Variants in GRIK2 observed in about 807,000 individuals in gnomAD.
GRIK2 encodes glutamate receptor ionotropic, kainate 2.
GRIK2 carries 32 observed loss-of-function variants against 100.3 expected under a neutral mutation model. The observed-to-expected ratio is 0.32, with a 90% CI of 0.24 to 0.43. The LOEUF is 0.43. Ranked by LOEUF, GRIK2 falls within the 20% of genes least tolerant of loss-of-function variation. The probability of loss-of-function intolerance (pLI) is 1.00; values close to 1 mark genes in which losing one functional copy is unlikely to be tolerated. For synonymous variants in GRIK2, 417 were observed against 389.4 expected (o/e 1.07, Z -0.83); for missense variants, 843 against 1,114.9 (o/e 0.76, Z 3.47).
intron 2 of GRIK2, among the ~76,000 whole-genome samples, chr6:101,548,954 C>T (rs1776380767): frequency 6.6e-6 from 1 of 152,002 alleles, no homozygotes; most frequent in Non-Finnish European, 1.5e-5. Context: ...GTCCATGTTC[C>T]CTTCCTTATT....
chr6:101,984,653 A>ACACACACC (rs760989338), intron 14 of GRIK2, among the ~76,000 whole-genome samples: 1 of 150,336 alleles, frequency 6.7e-6, no homozygotes, highest in South Asian at 2.1e-4. Flanking sequence ...ACACACACAC[A>ACACACACC]CACCCTTCAA....
intron 2 of GRIK2, among the ~76,000 whole-genome samples, chr6:101,581,339 A>T (rs1358563533): frequency 6.6e-6 from 1 of 151,832 alleles, no homozygotes; most frequent in Non-Finnish European, 1.5e-5. Context: ...ATTAAGGAGT[A>T]TTGACTCACA....
intron 2 of GRIK2, among the ~76,000 whole-genome samples, chr6:101,590,999 C>A (rs1336098848): frequency 6.6e-6 from 1 of 151,858 alleles, no homozygotes; most frequent in Non-Finnish European, 1.5e-5. Flanking sequence ...AAAATATCAT[C>A]CTTTTCTATG....
chr6:101,603,393 A>G (rs1220016819), intron 2 of GRIK2, among the ~76,000 whole-genome samples: 1 of 151,610 alleles, frequency 6.6e-6, no homozygotes, highest in Admixed American at 6.6e-5. Context: ...AGATCATTGG[A>G]GGAGAGAGGA....
chr6:101,892,922 T>C (rs995581403), intron 12 of GRIK2, among the ~76,000 whole-genome samples: 5 of 150,198 alleles, frequency 3.3e-5, no homozygotes, highest in African/African-American at 1.2e-4. Flanking sequence ...TCAATTTAAA[T>C]TTTAAATTCT....
At chr6:101,758,365 T>G (rs1256651404) in intron 7 of GRIK2, among the ~76,000 whole-genome samples, 2 of 152,224 alleles carry the variant, frequency 1.3e-5, no homozygotes, top group Non-Finnish European at 2.9e-5. Flanking sequence ...CCAGAATGCA[T>G]GATGTGGGGA....
chr6:101,398,500 C>G (rs750285851), intron 1 of GRIK2, among the ~76,000 whole-genome samples: 14 of 152,188 alleles, frequency 9.2e-5, no homozygotes, highest in Non-Finnish European at 2.1e-4. Flanking sequence ...CTCTTTCAAT[C>G]TAACCACAAG....
intron 10 of GRIK2, among the ~76,000 whole-genome samples, chr6:101,847,762 C>A (rs2128438258): frequency 6.6e-6 from 1 of 152,116 alleles, no homozygotes; most frequent in South Asian, 2.1e-4. Flanking sequence ...CATACATCCC[C>A]CACTGGTTAT....
chr6:101,546,112 A>T (rs1411039955), intron 2 of GRIK2, among the ~76,000 whole-genome samples: 1 of 152,200 alleles, frequency 6.6e-6, no homozygotes, highest in East Asian at 1.9e-4. Flanking sequence ...TCGACTCAAA[A>T]GTGCCTGGAT....
intron 7 of GRIK2, among the ~76,000 whole-genome samples, chr6:101,755,551 C>T (rs1445589159): frequency 6.6e-6 from 1 of 152,044 alleles, no homozygotes; most frequent in African/African-American, 2.4e-5. Flanking sequence ...AGAGAGTTTT[C>T]GAGAAGATTT....
chr6:101,922,679 C>A (rs939288328), intron 12 of GRIK2, among the ~76,000 whole-genome samples: 2 of 152,088 alleles, frequency 1.3e-5, no homozygotes, highest in Non-Finnish European at 1.5e-5. Context: ...TTTTCTCATG[C>A]TTTGGGCAGG....
At chr6:101,904,039 A>G (rs1788055654) in intron 12 of GRIK2, among the ~76,000 whole-genome samples, 1 of 151,284 alleles carries the variant, frequency 6.6e-6, no homozygotes, top group Non-Finnish European at 1.5e-5. Flanking sequence ...TTGAACTAGC[A>G]TTGCCCCAAC....
chr6:101,749,368 C>A (rs2128383271), intron 7 of GRIK2, among the ~76,000 whole-genome samples: 1 of 152,238 alleles, frequency 6.6e-6, no homozygotes, highest in Non-Finnish European at 1.5e-5. Flanking sequence ...CTCGGCCCCC[C>A]AGATTGATGG....
intron 7 of GRIK2, chr6:101,744,558 A>ATATATATATCTATC (rs751011648): frequency 1.7e-5 from 2 of 115,022 alleles, no homozygotes; most frequent in African/African-American, 7.4e-5. Flanking sequence ...ATATATATAT[A>ATATATATATCTATC]TCACAATTTC....
chr6:101,557,930 A>G (rs1253229541), intron 2 of GRIK2, among the ~76,000 whole-genome samples: 1 of 152,040 alleles, frequency 6.6e-6, no homozygotes, highest in Non-Finnish European at 1.5e-5. Flanking sequence ...TCCCTTATTC[A>G]TTGGCTGAAC....
intron 2 of GRIK2, among the ~76,000 whole-genome samples, chr6:101,480,425 G>A (rs1262655803): frequency 6.6e-6 from 1 of 151,600 alleles, no homozygotes; most frequent in Non-Finnish European, 1.5e-5. Context: ...TCCTCTCTTA[G>A]CATCCTATCT....
intron 12 of GRIK2, among the ~76,000 whole-genome samples, chr6:101,918,877 A>G (rs2791793): frequency 0.94 from 142,014 of 151,554 alleles, 66,575 homozygotes; most frequent in Middle Eastern, 0.97. Flanking sequence ...TCACATTAGT[A>G]CAGCAAAAGA....
intron 14 of GRIK2, among the ~76,000 whole-genome samples, chr6:102,025,321 T>C (rs189907205): frequency 4.2e-4 from 63 of 151,250 alleles, no homozygotes; most frequent in Non-Finnish European, 7.9e-4. Context: ...TTTCTTCTAG[T>C]AGGAAGAGAG....
chr6:101,877,617 T>C (rs1785949025), intron 11 of GRIK2, among the ~76,000 whole-genome samples: 1 of 151,956 alleles, frequency 6.6e-6, no homozygotes, highest in African/African-American at 2.4e-5. Flanking sequence ...AAAAATAGTT[T>C]TAAAAGAATA....
Sources: gnomAD v4.1 joint callset for allele counts (sites outside exome capture counted in the v4.1 genomes callset) on GRCh38, gnomAD v4.1.1 for gene constraint, MANE v1.5 for transcripts, NCBI Gene and HGNC (gene_info 2026-07-23, HGNC 2026-07-21) for gene names.